Variants in RPS6KC1 observed in about 807,000 individuals in gnomAD.
RPS6KC1 encodes inactive ribosomal protein S6 kinase delta-1.
A neutral mutation model predicts 103.8 loss-of-function variants in RPS6KC1; 54 were observed. That is an observed-to-expected ratio of 0.52 (90% CI 0.42 to 0.65). RPS6KC1 has a LOEUF of 0.65. RPS6KC1 is among the 30% of genes least tolerant of loss of function. The probability of loss-of-function intolerance (pLI) is 0.00; values close to 1 mark genes in which losing one functional copy is unlikely to be tolerated. For synonymous variants in RPS6KC1, 439 were observed against 438.7 expected (o/e 1.00, Z -0.01); for missense variants, 1,151 against 1,253.8 (o/e 0.92, Z 1.24).
the RPS6KC1 span, among the ~76,000 whole-genome samples, chr1:213,384,081 C>T: frequency 5.9e-5 from 9 of 152,032 alleles, no homozygotes; most frequent in Non-Finnish European, 1.0e-4. Context: ...TTGAGACCAT[C>T]CTGGCTAACA....
At chr1:213,341,683 A>G in the RPS6KC1 span, among the ~76,000 whole-genome samples, 5 of 152,216 alleles carry the variant, frequency 3.3e-5, no homozygotes, top group African/African-American at 1.2e-4. Flanking sequence ...GAACTAATTT[A>G]ATCTTCATGA....
the RPS6KC1 span, among the ~76,000 whole-genome samples, chr1:213,779,464 C>T: frequency 2.6e-5 from 4 of 152,208 alleles, no homozygotes; most frequent in African/African-American, 9.6e-5. Flanking sequence ...TTAGCTTACT[C>T]ATGGATTCAT....
At chr1:213,425,874 G>C in the RPS6KC1 span, among the ~76,000 whole-genome samples, 3 of 152,200 alleles carry the variant, frequency 2.0e-5, no homozygotes, top group African/African-American at 7.2e-5. Flanking sequence ...GGATGCTGAA[G>C]GATGGTGACC....
chr1:213,741,021 C>CACAT, the RPS6KC1 span, among the ~76,000 whole-genome samples: 1 of 103,814 alleles, frequency 9.6e-6, no homozygotes, highest in African/African-American at 3.1e-5. Context: ...TATACACACA[C>CACAT]ATATGTGTGT....
At chr1:213,318,513 A>T in the RPS6KC1 span, among the ~76,000 whole-genome samples, 67 of 152,318 alleles carry the variant, frequency 4.4e-4, no homozygotes, top group African/African-American at 1.5e-3. Context: ...CATTCCACAA[A>T]TATTTGTTGA....
intron 6 of RPS6KC1, among the ~76,000 whole-genome samples, chr1:213,133,931 A>G (rs2149029842): frequency 6.6e-6 from 1 of 152,218 alleles, no homozygotes; most frequent in Middle Eastern, 3.4e-3. Flanking sequence ...CCATTGTAGA[A>G]TATTTGAAAA....
the RPS6KC1 span, among the ~76,000 whole-genome samples, chr1:213,598,210 T>A: frequency 6.6e-6 from 1 of 152,104 alleles, no homozygotes; most frequent in Non-Finnish European, 1.5e-5. Flanking sequence ...TTTCTAGAAG[T>A]GGTAAGAGAA....
At chr1:213,185,605 G>A (rs185212607) in intron 8 of RPS6KC1, among the ~76,000 whole-genome samples, 203 of 152,090 alleles carry the variant, frequency 1.3e-3, no homozygotes, top group Non-Finnish European at 1.9e-3. Flanking sequence ...CTGGGATTGC[G>A]CCACTGCACT....
intron 5 of RPS6KC1, among the ~76,000 whole-genome samples, chr1:213,121,992 G>A (rs570855623): frequency 2.6e-5 from 4 of 152,202 alleles, no homozygotes; most frequent in East Asian, 3.9e-4. Context: ...GTAGAGACAC[G>A]AAAGGATCTA....
the RPS6KC1 span, among the ~76,000 whole-genome samples, chr1:213,431,654 T>C: frequency 7.9e-6 from 1 of 126,654 alleles, no homozygotes; most frequent in Non-Finnish European, 1.7e-5. Context: ...TGTTTGTGTG[T>C]ATGTGTGTGT....
chr1:213,232,039 G>A, intron 9 of RPS6KC1, 84 bp from the exon 10 acceptor site: 3 of 1,540,258 alleles, frequency 1.9e-6, no homozygotes, highest in South Asian at 1.2e-5. Flanking sequence ...GATTAGTTTG[G>A]TTGATAAACA....
the RPS6KC1 span, among the ~76,000 whole-genome samples, chr1:213,761,488 A>G: frequency 6.6e-6 from 1 of 152,228 alleles, no homozygotes; most frequent in African/African-American, 2.4e-5. Flanking sequence ...CCAATAATTT[A>G]AATAGGACTT....
chr1:213,065,045 T>G (rs190642668), intron 1 of RPS6KC1, among the ~76,000 whole-genome samples: 1 of 140,456 alleles, frequency 7.1e-6, no homozygotes, highest in Non-Finnish European at 1.6e-5. Context: ...GGCGCGATCT[T>G]GGCTCACTGC....
the RPS6KC1 span, among the ~76,000 whole-genome samples, chr1:213,687,520 A>T: frequency 6.6e-6 from 1 of 152,278 alleles, no homozygotes; most frequent in East Asian, 1.9e-4. Flanking sequence ...CATTTATATT[A>T]TACAATATCA....
chr1:213,290,558 A>G, the RPS6KC1 span, among the ~76,000 whole-genome samples: 1 of 146,760 alleles, frequency 6.8e-6, no homozygotes, highest in African/African-American at 2.5e-5. Flanking sequence ...TGGTATGTCA[A>G]TTCAGCCTAT....
At chr1:213,482,250 T>TC in the RPS6KC1 span, among the ~76,000 whole-genome samples, 5 of 152,194 alleles carry the variant, frequency 3.3e-5, no homozygotes, top group African/African-American at 1.2e-4. Context: ...CATTTATTTT[T>TC]CCTCTCTTTT....
the RPS6KC1 span, among the ~76,000 whole-genome samples, chr1:213,551,481 G>T: frequency 1.3e-5 from 2 of 152,012 alleles, no homozygotes; most frequent in African/African-American, 2.4e-5. Context: ...TCTTGACCCA[G>T]GTGTCAGCCA....
chr1:213,687,583 T>G, the RPS6KC1 span, among the ~76,000 whole-genome samples: 2 of 152,104 alleles, frequency 1.3e-5, no homozygotes, highest in Admixed American at 1.3e-4. Context: ...TTTCTAGCAG[T>G]GAGAACCATA....
intron 1 of RPS6KC1, among the ~76,000 whole-genome samples, chr1:213,070,691 T>G (rs2078785992): frequency 6.6e-6 from 1 of 152,220 alleles, no homozygotes; most frequent in Admixed American, 6.5e-5. Context: ...AACTTGGTGA[T>G]TGGCGCCAGA....
Sources: gnomAD v4.1 joint callset for allele counts (sites outside exome capture counted in the v4.1 genomes callset) on GRCh38, gnomAD v4.1.1 for gene constraint, MANE v1.5 for transcripts, NCBI Gene and HGNC (gene_info 2026-07-23, HGNC 2026-07-21) for gene names.